LDHB: variants seen among roughly 807,000 people sequenced by gnomAD.
The protein encoded by LDHB is L-lactate dehydrogenase B chain.
A neutral mutation model predicts 33.4 loss-of-function variants in LDHB; 18 were observed. The ratio of observed to expected loss-of-function variants is 0.54; its 90% CI spans 0.37 to 0.80. The LOEUF (loss-of-function observed/expected upper bound fraction) is 0.80. LDHB is among the 30% of genes least tolerant of loss of function. LDHB has a pLI of 0.00. For missense variants in LDHB, 345 were observed against 407.9 expected (o/e 0.85, Z 1.33); for synonymous variants, 121 against 140.6 (o/e 0.86, Z 0.98).
At chr12:21,644,983 T>C (rs1325667027) in intron 3 of LDHB, among the ~76,000 whole-genome samples, 1 of 152,182 alleles carries the variant, frequency 6.6e-6, no homozygotes, top group East Asian at 1.9e-4. Flanking sequence ...ACTGTGTCTG[T>C]GTAGAAAGAA....
At chr12:21,648,350 C>G (rs1223048589) in intron 2 of LDHB, among the ~76,000 whole-genome samples, 1 of 152,064 alleles carries the variant, frequency 6.6e-6, no homozygotes, top group Non-Finnish European at 1.5e-5. Flanking sequence ...ACAGAAAGGA[C>G]AGTATTCACC....
At chr12:21,651,729 G>A (rs543170182) in intron 2 of LDHB, among the ~76,000 whole-genome samples, 1 of 152,132 alleles carries the variant, frequency 6.6e-6, no homozygotes, top group Admixed American at 6.5e-5. Flanking sequence ...TAAGCTAGTG[G>A]GATTTCTAAT....
At chr12:21,655,553 A>G (rs892632779) in intron 1 of LDHB, among the ~76,000 whole-genome samples, 5 of 152,250 alleles carry the variant, frequency 3.3e-5, no homozygotes, top group Non-Finnish European at 5.9e-5. Flanking sequence ...GGCAATGAAT[A>G]ATTTTTATTC....
chr12:21,651,254 G>A (rs563348984), intron 2 of LDHB, among the ~76,000 whole-genome samples: 2 of 152,346 alleles, frequency 1.3e-5, no homozygotes, highest in South Asian at 4.1e-4. Context: ...GGGAGGATTT[G>A]TGAGGCCTCA....
At chr12:21,640,319 T>C (rs1351927470) in intron 5 of LDHB, among the ~76,000 whole-genome samples, 5 of 138,406 alleles carry the variant, frequency 3.6e-5, no homozygotes, top group Non-Finnish European at 7.8e-5. Flanking sequence ...ATTTATAATA[T>C]AGTTTTAAAT....
chr12:21,645,244 C>T (rs993304242), intron 3 of LDHB, among the ~76,000 whole-genome samples: 4 of 151,918 alleles, frequency 2.6e-5, no homozygotes, highest in African/African-American at 7.2e-5. Context: ...TATGGAAGGC[C>T]GCAGGGACCT....
intron 2 of LDHB, among the ~76,000 whole-genome samples, chr12:21,647,433 A>C (rs1362428295): frequency 1.3e-5 from 2 of 151,964 alleles, no homozygotes; most frequent in Non-Finnish European, 2.9e-5. Flanking sequence ...TAGGATTTGA[A>C]ACCCAGGTTG....
In LDHB at chr12:21,643,944, A is replaced by C. The variant is rs1365786012; in HGVS notation, c.412T>G (p.Ser138Ala). The change falls in exon 4 of 8, where the codon TCC becomes GCC. Residue 138 changes from serine to alanine, a missense_variant. Transcript: ENST00000350669. ...YSPDCIIIVV[S>A]NPVDILTYVT... ...AAGTATACAATAATACCTGGGTTGG[A>C]AACCACAATTATGATGCAATCAGGA... The C allele has an allele frequency of 6.2e-7, 1 of 1,609,272 alleles. No individual in the cohort carries two copies. Among genetic ancestry groups the C allele is most frequent in the East Asian group, 2.2e-5 (1 of 44,866 alleles).
chr12:21,641,847 T>C, intron 5 of LDHB, 105 bp downstream of exon 5: 1 of 992,490 alleles, frequency 1.0e-6, no homozygotes, highest in Non-Finnish European at 1.5e-6. Flanking sequence ...TTGCAACTGT[T>C]CTTAAGTACA....
intron 2 of LDHB, among the ~76,000 whole-genome samples, chr12:21,652,058 G>C (rs936036685): frequency 6.6e-6 from 1 of 151,944 alleles, no homozygotes; most frequent in Admixed American, 6.6e-5. Flanking sequence ...TATAACTCCA[G>C]GCACAGTCTC....
intron 7 of LDHB, among the ~76,000 whole-genome samples, chr12:21,636,323 C>T (rs1003229300): frequency 6.7e-6 from 1 of 148,478 alleles, no homozygotes; most frequent in Non-Finnish European, 1.5e-5. Context: ...AGGCAAGATG[C>T]TTGGAATACC....
chr12:21,654,283 A>T (rs532243881), intron 2 of LDHB: 1 of 464,978 alleles, frequency 2.2e-6, no homozygotes, highest in East Asian at 4.1e-5. Flanking sequence ...AAATGTTAAT[A>T]GTGTATACTG....
chr12:21,640,313 A>G (rs1333413731), intron 5 of LDHB, among the ~76,000 whole-genome samples: 1 of 144,768 alleles, frequency 6.9e-6, no homozygotes, highest in Non-Finnish European at 1.5e-5. Flanking sequence ...TAAAACATTT[A>G]TAATATAGTT....
intron 2 of LDHB, among the ~76,000 whole-genome samples, chr12:21,647,894 G>C (rs555945046): frequency 3.9e-4 from 59 of 151,942 alleles, no homozygotes; most frequent in Non-Finnish European, 7.2e-4. Flanking sequence ...ATGGGGTTTT[G>C]CCATGTTGCC....
At chr12:21,654,408 G>A (rs118057312) in intron 2 of LDHB, 135 bp downstream of exon 2, 1 of 767,076 alleles carries the variant, frequency 1.3e-6, no homozygotes, top group Non-Finnish European at 2.2e-6. Context: ...AAGTGAAGTG[G>A]GATTACATCT....
At chr12:21,644,231 T>C (rs925088907) in intron 3 of LDHB, 123 bp from the exon 4 acceptor site, 8 of 706,432 alleles carry the variant, frequency 1.1e-5, no homozygotes, top group African/African-American at 8.9e-5. Flanking sequence ...TGAATTAAGT[T>C]TTCTGTATTG....
rs150342329 is a variant in LDHB, at chr12:21,649,026, A to G, written c.130-2010T>C. ...TTTAAGGCTGCTTTTGTTCTTTGCA[A>G]TCTCTGACAAGAACACACAAAATTC... On this transcript the variant is annotated intron_variant, in intron 2 of 7. Coordinates refer to ENST00000350669, the MANE Select transcript of LDHB (RefSeq NM_002300.8). 7.8e-3 allele frequency among the ~76,000 whole-genome samples: 1,182 copies of G among 152,278 alleles called. 16 individuals are homozygous for G. The highest frequency in any genetic ancestry group is 0.012 in the Non-Finnish European group (797 of 68,018).
intron 5 of LDHB, among the ~76,000 whole-genome samples, chr12:21,640,244 T>C (rs1591828060): frequency 6.6e-6 from 1 of 151,530 alleles, no homozygotes; most frequent in East Asian, 1.9e-4. Context: ...TCAAAAACAG[T>C]TTTACATAAA....
chr12:21,645,697 C>T (rs1377426397), intron 3 of LDHB, among the ~76,000 whole-genome samples: 2 of 152,180 alleles, frequency 1.3e-5, no homozygotes, highest in African/African-American at 4.8e-5. Flanking sequence ...CTTCTCTCCA[C>T]TATTACCCTA....
Sources: gnomAD v4.1 joint callset for allele counts (sites outside exome capture counted in the v4.1 genomes callset) on GRCh38, gnomAD v4.1.1 for gene constraint, MANE v1.5 for transcripts, NCBI Gene and HGNC (gene_info 2026-07-23, HGNC 2026-07-21) for gene names.